Variants in DLG2 observed in about 807,000 individuals in gnomAD.
The protein encoded by DLG2 is discs large MAGUK scaffold protein 2.
In DLG2, 45 loss-of-function variants were observed where a neutral mutation model predicts 132.5. The observed-to-expected ratio is 0.34, with a 90% confidence interval of 0.27 to 0.44. The LOEUF is 0.44. DLG2 is among the 20% of genes least tolerant of loss of function. The pLI, the probability that DLG2 is intolerant of heterozygous loss-of-function variation, is 1.00. For synonymous variants in DLG2, 424 were observed against 419.6 expected (o/e 1.01, Z -0.13); for missense variants, 1,045 against 1,196.9 (o/e 0.87, Z 1.87).
At chr11:85,411,885 C>G (rs1429819892) in intron 3 of DLG2, among the ~76,000 whole-genome samples, 1 of 151,884 alleles carries the variant, frequency 6.6e-6, no homozygotes, top group Non-Finnish European at 1.5e-5. Context: ...CCCTCCACTT[C>G]TACACCTCTG....
intron 9 of DLG2, among the ~76,000 whole-genome samples, chr11:84,116,870 TAA>T (rs1205334272): frequency 6.6e-6 from 1 of 152,224 alleles, no homozygotes; most frequent in African/African-American, 2.4e-5. Flanking sequence ...GCTTAGGGAA[TAA>T]AGTCTAAATT....
At chr11:84,104,673 T>A (rs890139973) in intron 9 of DLG2, among the ~76,000 whole-genome samples, 3 of 152,104 alleles carry the variant, frequency 2.0e-5, no homozygotes, top group African/African-American at 7.2e-5. Context: ...ACAGTATGAT[T>A]GCCACTGAAG....
At chr11:83,866,375 C>T (rs752278981) in intron 16 of DLG2, among the ~76,000 whole-genome samples, 4 of 152,096 alleles carry the variant, frequency 2.6e-5, no homozygotes, top group Non-Finnish European at 5.9e-5. Flanking sequence ...TAAATCTTGT[C>T]ATGGAATAAT....
Position 84,120,010 on chromosome 11 carries a change from G to T in DLG2, c.625-20963C>A, listed in dbSNP as rs539434795. Among the ~76,000 whole-genome samples the T allele has an allele frequency of 2.0e-5, 3 of 152,318 alleles. 1 individual carries two copies. The highest frequency in any genetic ancestry group is 2.0e-4 in the Admixed American group (3 of 15,288). ...TTATTTGGAGGTATGGCTGGAAGGA[G>T]GGGACTAGGAAGAGAATTGGCTTGA... On this transcript the variant is annotated intron_variant, in intron 9 of 27. Transcript: ENST00000376104.
rs547397156 is a variant in DLG2, at chr11:84,340,664, G to C, written c.520-89373C>G. Among the ~76,000 whole-genome samples, 24 of 152,240 alleles carry C rather than the reference G, an allele frequency of 1.6e-4. 1 individual carries two copies. The South Asian group carries it at 5.0e-3, about 32-fold the overall frequency. ...AAACAGTAGAATCAGGACTGAAACA[G>C]GTATCTCCTGACTCTAATGTCGGCA... On this transcript the variant is annotated intron_variant, in intron 7 of 27. Coordinates refer to ENST00000376104, the MANE Select transcript of DLG2 (RefSeq NM_001142699.3).
chr11:83,534,058 G>A (rs1436035089), intron 20 of DLG2, among the ~76,000 whole-genome samples: 4 of 152,138 alleles, frequency 2.6e-5, no homozygotes, highest in African/African-American at 7.2e-5. Context: ...GTGGACTCCC[G>A]CCTGTTTGAA....
At chr11:83,838,619 T>G (rs1410569251) in intron 16 of DLG2, among the ~76,000 whole-genome samples, 1 of 152,206 alleles carries the variant, frequency 6.6e-6, no homozygotes, top group African/African-American at 2.4e-5. Context: ...AAAATTTGCA[T>G]GAAATATGGA....
intron 6 of DLG2, among the ~76,000 whole-genome samples, chr11:84,658,152 G>A (rs766892359): frequency 4.6e-5 from 7 of 152,068 alleles, no homozygotes; most frequent in Non-Finnish European, 5.9e-5. Context: ...AGGATAAAAT[G>A]TATACACGAT....
intron 6 of DLG2, among the ~76,000 whole-genome samples, chr11:85,006,260 G>A (rs1007571821): frequency 2.6e-5 from 4 of 152,088 alleles, no homozygotes; most frequent in Non-Finnish European, 5.9e-5. Context: ...TTAGAGAGAA[G>A]TCCTTCTTTT....
chr11:84,700,235 G>C (rs1371396862), intron 6 of DLG2, among the ~76,000 whole-genome samples: 3 of 151,366 alleles, frequency 2.0e-5, no homozygotes, highest in Non-Finnish European at 4.4e-5. Flanking sequence ...AGCATCAAGA[G>C]AAAATAATTA....
At chr11:83,832,776 T>TA (rs373079186) in intron 17 of DLG2, among the ~76,000 whole-genome samples, 25 of 150,902 alleles carry the variant, frequency 1.7e-4, no homozygotes, top group East Asian at 5.8e-4. Context: ...ATTAAAAAGG[T>TA]AAAAAAAAAG....
chr11:85,430,043 T>C (rs1211604434), intron 3 of DLG2, among the ~76,000 whole-genome samples: 2 of 151,946 alleles, frequency 1.3e-5, no homozygotes, highest in Non-Finnish European at 2.9e-5. Flanking sequence ...AAATGATGAG[T>C]TCATGTCCTT....
chr11:85,038,370 T>C (rs991238190), intron 6 of DLG2, among the ~76,000 whole-genome samples: 4 of 152,072 alleles, frequency 2.6e-5, no homozygotes, highest in African/African-American at 7.2e-5. Context: ...AATAGCATAA[T>C]AGTAATTGCT....
intron 15 of DLG2, among the ~76,000 whole-genome samples, chr11:83,881,270 A>G (rs773330140): frequency 6.6e-6 from 1 of 152,122 alleles, no homozygotes; most frequent in Non-Finnish European, 1.5e-5. Context: ...AGTCCACTGA[A>G]CCTCTTATAT....
intron 8 of DLG2, among the ~76,000 whole-genome samples, chr11:84,220,645 A>T (rs924856736): frequency 2.0e-5 from 3 of 152,186 alleles, no homozygotes; most frequent in African/African-American, 7.2e-5. Flanking sequence ...AATGAAAGAG[A>T]AATAAAAGCT....
intron 14 of DLG2, among the ~76,000 whole-genome samples, chr11:83,955,455 G>T (rs1425782819): frequency 6.6e-6 from 1 of 152,110 alleles, no homozygotes; most frequent in Non-Finnish European, 1.5e-5. Context: ...GATAGGGGTG[G>T]GTAACCAGTG....
chr11:84,925,922 T>C (rs368902669), intron 6 of DLG2, among the ~76,000 whole-genome samples: 13 of 152,242 alleles, frequency 8.5e-5, no homozygotes, highest in African/African-American at 3.1e-4. Flanking sequence ...AATATTGGAA[T>C]ACAGGAGCCT....
intron 7 of DLG2, among the ~76,000 whole-genome samples, chr11:84,330,200 T>C (rs1038222816): frequency 3.9e-5 from 6 of 152,350 alleles, no homozygotes; most frequent in African/African-American, 9.6e-5. Context: ...GTAGTGCTTA[T>C]GAACAGAGAC....
intron 3 of DLG2, among the ~76,000 whole-genome samples, chr11:85,535,019 A>C (rs1161358548): frequency 3.9e-5 from 6 of 152,146 alleles, no homozygotes; most frequent in African/African-American, 1.4e-4. Flanking sequence ...TTGACTTTTT[A>C]ATATAGTCAT....
Sources: allele counts gnomAD v4.1 joint callset (sites outside exome capture counted in the v4.1 genomes callset), GRCh38; gene constraint gnomAD v4.1.1; transcripts MANE v1.5; gene names NCBI Gene and HGNC (gene_info 2026-07-23, HGNC 2026-07-21).